The following SPOCK1 variants were observed in gnomAD, a reference collection of about 807,000 sequenced individuals.
SPOCK1 encodes testican-1.
Under a neutral mutation model 55.3 loss-of-function variants are expected in SPOCK1, and 23 were observed. The observed-to-expected ratio is 0.42, with a 90% CI of 0.30 to 0.59. SPOCK1 has a LOEUF of 0.59. Among genes scored for constraint, SPOCK1 ranks in the 20% least tolerant of loss-of-function variants. The pLI, the probability that SPOCK1 is intolerant of heterozygous loss-of-function variation, is 0.22. For synonymous variants in SPOCK1, 226 were observed against 221.0 expected (o/e 1.02, Z -0.20); for missense variants, 499 against 552.5 (o/e 0.90, Z 0.97).
At chr5:137,240,465 T>A (rs568538579) in intron 3 of SPOCK1, among the ~76,000 whole-genome samples, 41 of 152,290 alleles carry the variant, frequency 2.7e-4, no homozygotes, top group African/African-American at 9.4e-4. Flanking sequence ...GAGAGCTCAC[T>A]TATCATCAAG....
rs555028448 is a variant in SPOCK1 at position 137,221,107 on chromosome 5, TG to T, written c.232+45902del. 2.5e-3 allele frequency among the ~76,000 whole-genome samples: 386 copies of T among 152,244 alleles called. 1 individual carries two copies. The highest frequency in any genetic ancestry group is 4.0e-3 in the Non-Finnish European group (273 of 67,982). On this transcript the variant is annotated intron_variant, in intron 3 of 10. Transcript: ENST00000394945. The stretch of plus-strand genomic sequence containing the variant: ...CCAAATATCTATGTAGAAACATAAA[TG>T]GGGGAGGCATTCCAATTTTAAAAGG...
chr5:137,233,713 C>CTTTTT (rs56328555), intron 3 of SPOCK1, among the ~76,000 whole-genome samples: 62 of 58,394 alleles, frequency 1.1e-3, no homozygotes, highest in Middle Eastern at 0.011. Context: ...AGGATATGCA[C>CTTTTT]TTTTTTTTTT....
At chr5:136,981,059 G>C (rs1234971755) in intron 9 of SPOCK1, among the ~76,000 whole-genome samples, 1 of 152,096 alleles carries the variant, frequency 6.6e-6, no homozygotes, top group Non-Finnish European at 1.5e-5. Flanking sequence ...CTCAAAGTGA[G>C]GTTCCAGGAC....
At chr5:137,246,687 C>T (rs1756401509) in intron 3 of SPOCK1, among the ~76,000 whole-genome samples, 1 of 152,184 alleles carries the variant, frequency 6.6e-6, no homozygotes, top group Non-Finnish European at 1.5e-5. Flanking sequence ...TTGGAATCTG[C>T]CATGAATGAC....
chr5:137,480,986 T>C (rs1172359929), intron 2 of SPOCK1, among the ~76,000 whole-genome samples: 1 of 152,210 alleles, frequency 6.6e-6, no homozygotes, highest in East Asian at 1.9e-4. Flanking sequence ...TATTTTTTAC[T>C]TGAAGTAAAA....
chr5:137,104,233 T>C (rs139021947), intron 5 of SPOCK1, among the ~76,000 whole-genome samples: 3 of 152,226 alleles, frequency 2.0e-5, no homozygotes, highest in East Asian at 1.9e-4. Context: ...TGTTCAAAAG[T>C]GTGTGGCATC....
At chr5:137,191,856 A>G (rs1019257886) in intron 3 of SPOCK1, among the ~76,000 whole-genome samples, 8 of 152,202 alleles carry the variant, frequency 5.3e-5, no homozygotes, top group Non-Finnish European at 8.8e-5. Flanking sequence ...TCTGCATTCT[A>G]CTTTCCAACA....
At chr5:137,317,701 C>A (rs1453634101) in intron 2 of SPOCK1, among the ~76,000 whole-genome samples, 3 of 152,160 alleles carry the variant, frequency 2.0e-5, no homozygotes, top group African/African-American at 7.2e-5. Flanking sequence ...CTGGCATTCA[C>A]AGAAATAAAA....
In SPOCK1 at chr5:137,450,906, C is replaced by T. The variant is rs148289340; in HGVS notation, c.186+47467G>A. ...CACCCAAACTATTAAAATACCCTCC[C>T]GACCAGTGTTCCCTCTTCCAAACTC... On this transcript the variant is annotated intron_variant, in intron 2 of 10. Coordinates refer to ENST00000394945, the MANE Select transcript of SPOCK1 (RefSeq NM_004598.4). Among the ~76,000 whole-genome samples the T allele has an allele frequency of 3.5e-4, 53 of 152,222 alleles. 1 individual carries two copies. The highest frequency in any genetic ancestry group is 1.3e-3 in the Admixed American group (20 of 15,284).
intron 2 of SPOCK1, among the ~76,000 whole-genome samples, chr5:137,282,123 T>C (rs1757176207): frequency 6.6e-6 from 1 of 152,208 alleles, no homozygotes; most frequent in Non-Finnish European, 1.5e-5. Context: ...ACCCAGCGCA[T>C]AGGATGCACC....
chr5:137,256,682 C>T (rs1756640682), intron 3 of SPOCK1, among the ~76,000 whole-genome samples: 1 of 152,152 alleles, frequency 6.6e-6, no homozygotes. Flanking sequence ...CTCCTGTGGT[C>T]TCTGAGCACA....
At chr5:137,426,642 T>C (rs555077492) in intron 2 of SPOCK1, among the ~76,000 whole-genome samples, 5 of 152,280 alleles carry the variant, frequency 3.3e-5, no homozygotes, top group Admixed American at 6.5e-5. Context: ...TCCTCAAACA[T>C]CATATACCTA....
At chr5:137,469,119 T>C (rs1580943870) in intron 2 of SPOCK1, among the ~76,000 whole-genome samples, 1 of 152,244 alleles carries the variant, frequency 6.6e-6, no homozygotes, top group South Asian at 2.1e-4. Flanking sequence ...CATCAACTAA[T>C]TAACTCTTTG....
intron 2 of SPOCK1, among the ~76,000 whole-genome samples, chr5:137,477,369 G>GC (rs1244904202): frequency 6.6e-6 from 1 of 151,850 alleles, no homozygotes; most frequent in Non-Finnish European, 1.5e-5. Flanking sequence ...TTTTGTTTGT[G>GC]TTTTTTTTAA....
intron 3 of SPOCK1, among the ~76,000 whole-genome samples, chr5:137,212,882 C>T (rs959428575): frequency 3.3e-5 from 5 of 152,264 alleles, no homozygotes; most frequent in South Asian, 4.1e-4. Context: ...AAATAGAAAA[C>T]TGGGGAGAGT....
At chr5:137,010,773 G>A (rs1232293321) in intron 6 of SPOCK1, among the ~76,000 whole-genome samples, 1 of 152,106 alleles carries the variant, frequency 6.6e-6, no homozygotes, top group Admixed American at 6.6e-5. Flanking sequence ...CCTGAGAACA[G>A]GAATTACCAG....
At chr5:137,427,278 G>A (rs1264356331) in intron 2 of SPOCK1, among the ~76,000 whole-genome samples, 1 of 152,140 alleles carries the variant, frequency 6.6e-6, no homozygotes, top group Non-Finnish European at 1.5e-5. Context: ...GTTCACTGCT[G>A]AAGTGGAGAG....
intron 3 of SPOCK1, among the ~76,000 whole-genome samples, chr5:137,178,985 T>C (rs1375858641): frequency 6.6e-6 from 1 of 152,214 alleles, no homozygotes; most frequent in African/African-American, 2.4e-5. Flanking sequence ...ATAACAATGG[T>C]GTGTTGGGTA....
intron 2 of SPOCK1, among the ~76,000 whole-genome samples, chr5:137,447,335 C>A (rs1440237027): frequency 2.0e-5 from 3 of 152,170 alleles, no homozygotes; most frequent in African/African-American, 7.2e-5. Flanking sequence ...TGCTACATAA[C>A]GAATGCCCCT....
Sources: gnomAD v4.1 joint callset for allele counts (sites outside exome capture counted in the v4.1 genomes callset) on GRCh38, gnomAD v4.1.1 for gene constraint, MANE v1.5 for transcripts, NCBI Gene and HGNC (gene_info 2026-07-23, HGNC 2026-07-21) for gene names.